The following ALDH1L1 variants were observed in gnomAD, a reference collection of about 807,000 sequenced individuals.
ALDH1L1 encodes cytosolic 10-formyltetrahydrofolate dehydrogenase.
A neutral mutation model predicts 101.1 loss-of-function variants in ALDH1L1; 68 were observed. That is an observed-to-expected ratio of 0.67 (90% CI 0.55 to 0.82). ALDH1L1 has a LOEUF of 0.82. Among genes scored for constraint, ALDH1L1 ranks in the 40% least tolerant of loss-of-function variants. The pLI, the probability that ALDH1L1 is intolerant of heterozygous loss-of-function variation, is 0.00. For synonymous variants in ALDH1L1, 486 were observed against 470.8 expected (o/e 1.03, Z -0.42); for missense variants, 1,087 against 1,172.7 (o/e 0.93, Z 1.07).
chr3:126,109,397 TG>T (rs990477323), intron 20 of ALDH1L1, among the ~76,000 whole-genome samples: 1 of 152,080 alleles, frequency 6.6e-6, no homozygotes, highest in African/African-American at 2.4e-5. Flanking sequence ...TTGAAGGGCC[TG>T]GGGGACATCC....
At chr3:126,134,206 C>T (rs75753823) in intron 12 of ALDH1L1, among the ~76,000 whole-genome samples, 2,573 of 152,330 alleles carry the variant, frequency 0.017, 64 homozygotes, top group African/African-American at 0.059. Flanking sequence ...GTAATGGGCA[C>T]TCCCAGGTCT....
chr3:126,118,230 AT>A, intron 16 of ALDH1L1, 132 bp from the exon 17 acceptor site: 3 of 714,488 alleles, frequency 4.2e-6, no homozygotes, highest in Non-Finnish European at 7.3e-6. Context: ...CTTGATCCCC[AT>A]GGTGCCTGGG....
chr3:126,134,722 G>C (rs1006689378), intron 12 of ALDH1L1, among the ~76,000 whole-genome samples: 9 of 152,182 alleles, frequency 5.9e-5, no homozygotes, highest in Non-Finnish European at 8.8e-5. Context: ...GCCAAGGCAG[G>C]GTCTCTCCTG....
chr3:126,155,425 T>C lies in ALDH1L1; in HGVS notation c.607A>G (p.Ile203Val). 1 of 1,612,892 alleles carries C rather than the reference T, an allele frequency of 6.2e-7. No individual in the cohort carries two copies. The highest frequency in any genetic ancestry group is 8.5e-7 in the Non-Finnish European group (1 of 1,179,554). The change falls in exon 5 of 23, where the codon ATT (isoleucine) becomes GTT (valine). Residue 203 changes from isoleucine to valine, a missense_variant. By Grantham distance (29) the Ile-to-Val change is conservative (BLOSUM62 3). Transcript: ENST00000393434. ...QPEEGATYEG[I>V]QKKETAKINW... ...ACCTTGGCTGTCTCCTTCTTCTGAA[T>C]CCCCTCATAGGTGGCTCCTTCCTCA...
chr3:126,111,402 G>A (rs1396048878), intron 19 of ALDH1L1, among the ~76,000 whole-genome samples: 1 of 152,230 alleles, frequency 6.6e-6, no homozygotes. Flanking sequence ...GCTGTCCCAC[G>A]AAGCCACCCG....
chr3:126,195,392 T>C (rs930766536), intron 1 of ALDH1L1, among the ~76,000 whole-genome samples: 1 of 152,238 alleles, frequency 6.6e-6, no homozygotes, highest in Non-Finnish European at 1.5e-5. Context: ...AGCTCTCTTA[T>C]ATAAACATTA....
chr3:126,130,979 G>T (rs1178282745), intron 13 of ALDH1L1, among the ~76,000 whole-genome samples: 1 of 152,238 alleles, frequency 6.6e-6, no homozygotes, highest in Non-Finnish European at 1.5e-5. Context: ...GTGTCACAGG[G>T]ATCCCAAGCC....
intron 1 of ALDH1L1, among the ~76,000 whole-genome samples, chr3:126,166,620 A>G (rs926334519): frequency 1.3e-5 from 2 of 152,146 alleles, no homozygotes; most frequent in Admixed American, 6.5e-5. Context: ...TAATTTTATT[A>G]TAAAATTTCA....
intron 1 of ALDH1L1, among the ~76,000 whole-genome samples, chr3:126,168,664 C>G (rs1362130810): frequency 6.6e-6 from 1 of 152,090 alleles, no homozygotes; most frequent in East Asian, 1.9e-4. Context: ...TCTTTCCTAA[C>G]CCCTGGCTTT....
intron 1 of ALDH1L1, among the ~76,000 whole-genome samples, chr3:126,187,080 C>T (rs1258800431): frequency 1.3e-5 from 2 of 151,756 alleles, no homozygotes; most frequent in South Asian, 2.1e-4. Context: ...GCACACACTG[C>T]GAAGTGTTTG....
At chr3:126,115,317 G>T (rs1240745082) in intron 17 of ALDH1L1, 8 of 326,006 alleles carry the variant, frequency 2.5e-5, no homozygotes, top group Admixed American at 4.5e-5. Context: ...GTCAATAGCC[G>T]GCAGGTAGGA....
At chr3:126,180,662 G>A, upstream of ALDH1L1, 2 of 1,339,524 alleles carry the variant, frequency 1.5e-6, no homozygotes, top group Non-Finnish European at 1.9e-6. Context: ...AGAGTCAGCC[G>A]AGTGGGGGCG....
chr3:126,125,732 A>C lies in ALDH1L1; in HGVS notation c.1695-11T>G, dbSNP rs139520845. 1.3e-6 allele frequency: 2 copies of C among 1,529,986 alleles called. No individual in the cohort carries two copies. Among genetic ancestry groups the C allele is most frequent in the Non-Finnish European group, 1.8e-6 (2 of 1,132,074 alleles). The allele number at this position is 1,529,986 out of a possible 1,614,324, so 94.8% of individuals were successfully genotyped here. A position where few individuals can be genotyped will look rare whatever the true frequency, so the allele number is the denominator to read the frequency against. The stretch of plus-strand genomic sequence containing the variant: ...ATGATGCCACAAACCCTGCCACACA[A>C]AAGAGGTTGGCCTTTGTCCTTCTTC... On this transcript the variant is annotated splice_polypyrimidine_tract_variant and intron_variant, in intron 14 of 22. Coordinates refer to ENST00000393434, the MANE Select transcript of ALDH1L1 (RefSeq NM_012190.4).
At chr3:126,145,513 C>T (rs2080656683) in intron 9 of ALDH1L1, among the ~76,000 whole-genome samples, 1 of 152,208 alleles carries the variant, frequency 6.6e-6, no homozygotes, top group African/African-American at 2.4e-5. Context: ...AAAAAGAAGG[C>T]AGTCCTGCCA....
At chr3:126,134,622 A>G (rs2080386549) in intron 12 of ALDH1L1, among the ~76,000 whole-genome samples, 1 of 152,180 alleles carries the variant, frequency 6.6e-6, no homozygotes, top group Admixed American at 6.5e-5. Flanking sequence ...ATGCTCTTGC[A>G]ACCCCTCTCT....
chr3:126,196,871 A>G (rs1424759376), intron 1 of ALDH1L1, among the ~76,000 whole-genome samples: 2 of 152,204 alleles, frequency 1.3e-5, no homozygotes, highest in African/African-American at 4.8e-5. Flanking sequence ...AACCTTAGCT[A>G]CTGAGCTACA....
intron 9 of ALDH1L1, among the ~76,000 whole-genome samples, chr3:126,140,876 C>CA (rs1424502328): frequency 7.9e-5 from 12 of 151,580 alleles, no homozygotes; most frequent in Non-Finnish European, 1.3e-4. Flanking sequence ...AACTGAGGAA[C>CA]AAAAAAATAA....
Position 126,105,942 on chromosome 3 carries a change from G to C in ALDH1L1, c.2454-17C>G. 1 of 1,609,900 alleles carries C rather than the reference G, an allele frequency of 6.2e-7. No homozygotes were observed. On this transcript the variant is annotated splice_polypyrimidine_tract_variant and intron_variant, in intron 21 of 22. Coordinates refer to ENST00000393434, the MANE Select transcript of ALDH1L1 (RefSeq NM_012190.4). The stretch of plus-strand genomic sequence containing the variant: ...TCCAAGTCCCTGGAGAGAAAGTCCA[G>C]GAAGAACTCCCTGAGGGAGGTGCAG...
chr3:126,127,099 G>A (rs2080202336), intron 14 of ALDH1L1, among the ~76,000 whole-genome samples: 3 of 152,194 alleles, frequency 2.0e-5, no homozygotes, highest in South Asian at 4.1e-4. Context: ...CCAGAACCAG[G>A]AGACGAGTTT....
Sources: gnomAD v4.1 joint callset for allele counts (sites outside exome capture counted in the v4.1 genomes callset) on GRCh38, gnomAD v4.1.1 for gene constraint, MANE v1.5 for transcripts, NCBI Gene and HGNC (gene_info 2026-07-23, HGNC 2026-07-21) for gene names.